Variants in CENPU observed in about 807,000 individuals in gnomAD.
The protein encoded by CENPU is KSHV latent nuclear antigen interacting protein 1.
In CENPU, 46 loss-of-function variants were observed where a neutral mutation model predicts 56.7. The ratio of observed to expected loss-of-function variants is 0.81; its 90% confidence interval spans 0.64 to 1.04. CENPU has a LOEUF of 1.04. Ranked by LOEUF, CENPU falls within the 50% of genes least tolerant of loss-of-function variation. The pLI is 0.00. For missense variants in CENPU, 510 were observed against 490.1 expected (o/e 1.04, Z -0.38); for synonymous variants, 166 against 163.0 (o/e 1.02, Z -0.14).
chr4:184,699,425 A>G, intron 11 of CENPU: 2 of 420,786 alleles, frequency 4.8e-6, no homozygotes, highest in Admixed American at 6.4e-5. Context: ...CTGTAGCTAT[A>G]ACCACTTATC....
At chr4:184,711,503 G>A (rs1449616149) in intron 7 of CENPU, among the ~76,000 whole-genome samples, 5 of 152,032 alleles carry the variant, frequency 3.3e-5, no homozygotes, top group Admixed American at 3.3e-4. Flanking sequence ...CAGAACACCT[G>A]AACTTATACC....
At chr4:184,718,622 G>C (rs1761173377) in intron 4 of CENPU, among the ~76,000 whole-genome samples, 1 of 152,234 alleles carries the variant, frequency 6.6e-6, no homozygotes, top group African/African-American at 2.4e-5. Context: ...ACGCTGGTGA[G>C]AGTGAGGTCC....
In CENPU at chr4:184,734,031, G is replaced by GA; in HGVS notation, c.31_32insT (p.Pro11LeufsTer5). The GA allele has an allele frequency of 6.3e-7, 1 of 1,586,092 alleles. No homozygotes were observed. The highest frequency in any genetic ancestry group is 8.6e-7 in the Non-Finnish European group (1 of 1,169,250). ...CAGTACTTACCCCTCAGACCTGTGA[G>GA]GCCGCGGCCGCCGCCGCCCCCGCGG... is the stretch of plus-strand genomic sequence containing the variant. On this transcript the variant is annotated frameshift_variant, in exon 1 of 13. Transcript: ENST00000281453. LOFTEE classifies it high-confidence loss of function.
rs761117306 is a variant in CENPU, at chr4:184,716,612, T to C, written c.403A>G (p.Ile135Val). The change falls in exon 6 of 13, where the codon ATT becomes GTT. Residue 135 changes from isoleucine (I) to valine (V), a missense_variant. Ile to Val is a conservative substitution (Grantham distance 29). Transcript: ENST00000281453. ...AKKPGRKLRP[I>V]SDDSESIEES... ...TCAATGCTTTCAGAGTCATCACTAA[T>C]GGGCCTGAGCTTTCTTCCTGGCTGT... 4.3e-6 allele frequency: 7 copies of C among 1,614,002 alleles called. No individual in the cohort carries two copies. The highest frequency in any genetic ancestry group is 2.2e-5 in the East Asian group (1 of 44,898).
intron 4 of CENPU, among the ~76,000 whole-genome samples, chr4:184,721,444 G>C (rs912975764): frequency 8.6e-6 from 1 of 116,630 alleles, no homozygotes; most frequent in African/African-American, 3.3e-5. Context: ...AAAAGACATA[G>C]AGTGGCTGAT....
intron 3 of CENPU, among the ~76,000 whole-genome samples, chr4:184,725,825 A>G (rs1341724844): frequency 6.6e-6 from 1 of 152,226 alleles, no homozygotes; most frequent in Non-Finnish European, 1.5e-5. Context: ...GAAGGAGAGC[A>G]AATGAACTTG....
intron 6 of CENPU, among the ~76,000 whole-genome samples, chr4:184,715,635 A>G (rs963271699): frequency 9.9e-5 from 15 of 152,110 alleles, no homozygotes; most frequent in Admixed American, 6.5e-5. Flanking sequence ...TCTTATCAGC[A>G]GTTTTTTTCT....
chr4:184,714,236 C>T (rs745756227), intron 6 of CENPU, among the ~76,000 whole-genome samples: 20 of 152,050 alleles, frequency 1.3e-4, no homozygotes, highest in Non-Finnish European at 2.5e-4. Context: ...AATTTGTCAC[C>T]AGCAGACCTG....
At chr4:184,723,301 T>G (rs1010857887) in intron 4 of CENPU, among the ~76,000 whole-genome samples, 5 of 152,224 alleles carry the variant, frequency 3.3e-5, no homozygotes, top group African/African-American at 1.2e-4. Flanking sequence ...TATTTACTTT[T>G]ATATGCACCA....
At chr4:184,725,276 A>C (rs1167030683) in intron 3 of CENPU, among the ~76,000 whole-genome samples, 1 of 152,240 alleles carries the variant, frequency 6.6e-6, no homozygotes, top group East Asian at 1.9e-4. Context: ...ATATTTATGA[A>C]TAATAAACCT....
chr4:184,700,860 T>C lies in CENPU; in HGVS notation c.946A>G (p.Lys316Glu). 3.1e-6 allele frequency: 5 copies of C among 1,613,750 alleles called. No homozygotes were observed. The highest frequency in any genetic ancestry group is 3.4e-6 in the Non-Finnish European group (4 of 1,179,614). ...NAKMISDIEK[K>E]RQRMIEVQDE... ...TGGACTTCAATCATACGCTGCCTTT[T>C]CTTTTCGATATCTGAAATCATCTAA... The change falls in exon 11 of 13, where the codon AAA (lysine) becomes GAA (glutamate). Residue 316 changes from lysine to glutamate, a missense_variant. Lys to Glu is a moderately conservative substitution (Grantham distance 56). Transcript: ENST00000281453.
intron 4 of CENPU, among the ~76,000 whole-genome samples, chr4:184,723,192 A>G (rs1037451219): frequency 2.0e-5 from 3 of 152,190 alleles, no homozygotes; most frequent in African/African-American, 7.2e-5. Flanking sequence ...CTCCATGTGT[A>G]TTGATATGTA....
chr4:184,726,845 T>C (rs1761467299), intron 3 of CENPU, among the ~76,000 whole-genome samples: 1 of 151,888 alleles, frequency 6.6e-6, no homozygotes, highest in African/African-American at 2.4e-5. Flanking sequence ...TCCCAGCACT[T>C]TGGGAGGCCG....
intron 6 of CENPU, among the ~76,000 whole-genome samples, chr4:184,715,835 G>C (rs1378692057): frequency 6.6e-6 from 1 of 152,044 alleles, no homozygotes; most frequent in Non-Finnish European, 1.5e-5. Context: ...AAAGCTCACT[G>C]AAAGGACTGA....
chr4:184,722,270 C>T (rs189138281), intron 4 of CENPU, among the ~76,000 whole-genome samples: 7 of 152,070 alleles, frequency 4.6e-5, no homozygotes, highest in African/African-American at 1.2e-4. Flanking sequence ...CAGCTATAAG[C>T]GCCTACATCA....
At chr4:184,701,000 G>A (rs1760516847) in intron 10 of CENPU, 119 bp from the exon 11 acceptor site, 1 of 769,756 alleles carries the variant, frequency 1.3e-6, no homozygotes, top group Non-Finnish European at 2.3e-6. Context: ...TACCATCACA[G>A]ACTTTGGTCT....
chr4:184,707,927 C>T (rs562169659), intron 8 of CENPU, among the ~76,000 whole-genome samples: 1 of 152,146 alleles, frequency 6.6e-6, no homozygotes, highest in South Asian at 2.1e-4. Context: ...AGACACAAAG[C>T]AAGCAGCAGA....
rs142610706 is a variant in CENPU, at chr4:184,698,098, T to C, written c.987-295A>G. 492 of 268,404 alleles carry C rather than the reference T, an allele frequency of 1.8e-3. 1 individual carries two copies. The highest frequency in any genetic ancestry group is 7.1e-3 in the Middle Eastern group (6 of 842). 16.6% of individuals were successfully genotyped at this position (268,404 alleles called of 1,614,324 possible). ...AAGTCTTGGGAACTACTGGATCAAA[T>C]GTATGCCTGGTTGACATTCAGAGGC... On this transcript the variant is annotated intron_variant, in intron 11 of 12. Coordinates refer to ENST00000281453, the MANE Select transcript of CENPU (RefSeq NM_024629.4).
chr4:184,731,880 GCT>G (rs1020754391), intron 1 of CENPU, among the ~76,000 whole-genome samples: 1 of 26,766 alleles, frequency 3.7e-5, no homozygotes, highest in African/African-American at 1.2e-4. Flanking sequence ...TTACTCATGT[GCT>G]CTGTGTGTGT....
Sources: allele counts gnomAD v4.1 joint callset (sites outside exome capture counted in the v4.1 genomes callset), GRCh38; gene constraint gnomAD v4.1.1; transcripts MANE v1.5; gene names NCBI Gene and HGNC (gene_info 2026-07-23, HGNC 2026-07-21).